DYNC1H1: variants seen among roughly 807,000 people sequenced by gnomAD.
DYNC1H1 encodes dynein cytoplasmic 1 heavy chain 1.
A neutral mutation model predicts 527.1 loss-of-function variants in DYNC1H1; 51 were observed. The observed-to-expected ratio is 0.10, with a 90% CI of 0.08 to 0.12. The LOEUF (loss-of-function observed/expected upper bound fraction) is 0.12, where lower values mean the gene tolerates loss of function less well. Ranked by LOEUF, DYNC1H1 falls within the 10% of genes least tolerant of loss-of-function variation. DYNC1H1 has a pLI of 1.00. For synonymous variants in DYNC1H1, 2,189 were observed against 2,278.8 expected, an observed-to-expected ratio of 0.96 and a Z score of 1.12; for missense variants, 2,771 against 5,971.8, an observed-to-expected ratio of 0.46 and a Z score of 17.66.
rs17540728 is a variant in DYNC1H1, at chr14:101,983,143, A to G, written c.1086A>G (p.Thr362=). 12 of 1,614,082 alleles carry G rather than the reference A, an allele frequency of 7.4e-6. No individual in the cohort carries two copies. The East Asian group carries it at 8.9e-5, about 12-fold the overall frequency. The change falls in exon 6 of 78, where the codon ACA becomes ACG. Residue 362 remains threonine (T), a synonymous_variant. Coordinates refer to ENST00000360184, the MANE Select transcript of DYNC1H1 (RefSeq NM_001376.5). This position sits in a 1 kb window ranked among gnomAD's most constrained non-coding sequence, Gnocchi z 5.3. The part of the protein sequence containing the change: ...KIRQALVAIF[T]HLRKIRNTKY... ...GACAGGCGCTTGTTGCCATTTTCAC[A>G]CATTTGAGAAAGATCCGAAACACAA...
intron 16 of DYNC1H1, 83 bp from the exon 17 acceptor site, chr14:101,999,906 G>A: frequency 6.3e-7 from 1 of 1,599,436 alleles, no homozygotes; most frequent in Non-Finnish European, 8.5e-7. Flanking sequence ...AGCCCTGCAG[G>A]CTCTGTGCAC....
Position 101,986,241 on chromosome 14 carries a change from C to G in DYNC1H1, c.2016C>G (p.Gly672=). The part of the protein sequence containing the change: ...MKRVEDVLGK[G]WENHVEGQKL... ...GGGTGGAAGATGTCCTTGGCAAGGGCTGGGAGAATCACGTGGAGGGGCAGA... is the reference window on the plus strand; with the variant it reads ...GGGTGGAAGATGTCCTTGGCAAGGGGTGGGAGAATCACGTGGAGGGGCAGA... Residue 672 remains glycine (G), a synonymous_variant, in exon 8 of 78, where the codon GGC becomes GGG. Coordinates refer to ENST00000360184, the MANE Select transcript of DYNC1H1 (RefSeq NM_001376.5). The surrounding 1 kb of genome is among the most constrained non-coding windows in gnomAD (Gnocchi z 8.7). 1 of 1,614,058 alleles carries G rather than the reference C, an allele frequency of 6.2e-7. No individual in the cohort carries two copies. Among genetic ancestry groups the G allele is most frequent in the South Asian group, 1.1e-5 (1 of 91,082 alleles).
rs200735835 is a variant in DYNC1H1, at chr14:102,039,448, C to T, written c.11497C>T (p.Leu3833=). The part of the protein sequence containing the change: ...FLYQYSLQFF[L]DIYHNVLYEN... ...GTACCAGTACTCCCTCCAGTTTTTC[C>T]TGGACATTTATCACAACGTCCTATA... Residue 3833 remains leucine, a synonymous_variant, in exon 61 of 78, where the codon CTG becomes TTG. Coordinates refer to ENST00000360184, the MANE Select transcript of DYNC1H1 (RefSeq NM_001376.5). The surrounding 1 kb of genome is among the most constrained non-coding windows in gnomAD (Gnocchi z 7.0). The T allele has an allele frequency of 2.4e-5, 38 of 1,614,256 alleles. No homozygotes were observed. The East Asian group carries it at 8.2e-4, about 35-fold the overall frequency.
chr14:102,033,363 A>G lies in DYNC1H1; in HGVS notation c.10292A>G (p.Asn3431Ser), dbSNP rs764127291. The stretch of plus-strand genomic sequence containing the variant: ...GCCAAGGACAACCAGCAGAAGGCCA[A>G]CGAGGTGGAGCAGATGATCCGAGAC... ...DDAKDNQQKA[N>S]EVEQMIRDLE... The change falls in exon 54 of 78, where the codon AAC becomes AGC. Residue 3431 changes from asparagine to serine, a missense_variant. By Grantham distance (46) the Asn-to-Ser change is conservative. This residue lies in a region of DYNC1H1 where 283 missense variants were observed against 737.6 expected (regional missense o/e 0.38). Transcript: ENST00000360184. The surrounding 1 kb of genome is among the most constrained non-coding windows in gnomAD (Gnocchi z 5.6). 13 of 1,614,114 alleles carry G rather than the reference A, an allele frequency of 8.1e-6. No individual in the cohort carries two copies. The Admixed American group carries it at 8.3e-5, about 10-fold the overall frequency.
chr14:102,005,396 C>T lies in DYNC1H1; in HGVS notation c.5433+160C>T, dbSNP rs1316072144. 6.6e-6 allele frequency among the ~76,000 whole-genome samples: 1 copy of T among 152,206 alleles called. No individual in the cohort carries two copies. The highest frequency in any genetic ancestry group is 1.5e-5 in the Non-Finnish European group (1 of 68,032). On this transcript the variant is annotated intron_variant, in intron 26 of 77. Coordinates refer to ENST00000360184, the MANE Select transcript of DYNC1H1 (RefSeq NM_001376.5). This position sits in a 1 kb window ranked among gnomAD's most constrained non-coding sequence, Gnocchi z 4.0. Reference sequence around the variant, plus strand: ...TGAGGGTGGGCATTTGGCTCCCTGTCCCTGTTGAAAGGTAATCTCAGGGGC... The same window carrying T: ...TGAGGGTGGGCATTTGGCTCCCTGTTCCTGTTGAAAGGTAATCTCAGGGGC...
At position 102,048,508 on chromosome 14, in the gene DYNC1H1, G is replaced by A. The variant is rs370812794; in HGVS notation, c.13219-8G>A. 5.0e-6 allele frequency: 8 copies of A among 1,614,034 alleles called. No individual in the cohort carries two copies. The highest frequency in any genetic ancestry group is 2.7e-5 in the African/African-American group (2 of 74,932). On this transcript the variant is annotated splice_polypyrimidine_tract_variant and splice_region_variant and intron_variant, in intron 73 of 77. Transcript: ENST00000360184. ...CTAACTTCTCTTCACCCTTTTGAAC[G>A]ATTTTAGGATCCTTTGTTCAGGTTC...
rs374043245 is a variant in DYNC1H1, at chr14:102,017,016, G to A, written c.7848+17G>A. On this transcript the variant is annotated intron_variant, in intron 38 of 77. Transcript: ENST00000360184. This position sits in a 1 kb window ranked among gnomAD's most constrained non-coding sequence, Gnocchi z 4.6. ...GACATGGAGGTAAAGAGGCCAGGAG[G>A]TGGGCAGCAGACCTTTTGGTGCTGA... 35 of 1,614,144 alleles carry A rather than the reference G, an allele frequency of 2.2e-5. No individual in the cohort carries two copies. Among genetic ancestry groups the A allele is most frequent in the African/African-American group, 6.7e-5 (5 of 74,964 alleles).
At chr14:102,048,705 G>C in intron 74 of DYNC1H1, 36 bp downstream of exon 74, 1 of 1,608,074 alleles carries the variant, frequency 6.2e-7, no homozygotes, top group Non-Finnish European at 8.5e-7. Context: ...GTGGCTTCCG[G>C]CGGGCACCTT....
Position 102,015,787 on chromosome 14 carries a change from C to G in DYNC1H1, c.7243-69C>G. On this transcript the variant is annotated intron_variant, in intron 35 of 77. Coordinates refer to ENST00000360184, the MANE Select transcript of DYNC1H1 (RefSeq NM_001376.5). This position sits in a 1 kb window ranked among gnomAD's most constrained non-coding sequence, Gnocchi z 6.9. Reference sequence around the variant, plus strand: ...AGGTCGTATGACCTTCTCCTGGGACCAGGTTAGAATCGATGAAACTCGCCT... The same window carrying G: ...AGGTCGTATGACCTTCTCCTGGGACGAGGTTAGAATCGATGAAACTCGCCT... 1 of 1,543,398 alleles carries G rather than the reference C, an allele frequency of 6.5e-7. No homozygotes were observed. Among genetic ancestry groups the G allele is most frequent in the Non-Finnish European group, 8.9e-7 (1 of 1,127,412 alleles).
intron 18 of DYNC1H1, chr14:102,000,727 A>C: frequency 1.9e-6 from 1 of 523,350 alleles, no homozygotes; most frequent in Non-Finnish European, 3.5e-6. Context: ...GGCATGTGCC[A>C]CCACGCCCGG....
intron 72 of DYNC1H1, 197 bp from the exon 73 acceptor site, chr14:102,047,620 C>CGTGTGTGTGTGTGTGTGTGTGTGT (rs71116873): frequency 3.3e-6 from 1 of 300,652 alleles, no homozygotes; most frequent in African/African-American, 3.9e-5. Context: ...TATATATACA[C>CGTGTGTGTGTGTGTGTGTGTGTGT]GTGTGTGTGT....
intron 29 of DYNC1H1, among the ~76,000 whole-genome samples, chr14:102,009,036 C>G (rs1280792005): frequency 6.6e-6 from 1 of 152,164 alleles, no homozygotes; most frequent in African/African-American, 2.4e-5. Flanking sequence ...GAGCCAGCCT[C>G]CCCAGCCACC....
chr14:101,980,488 C>G lies in DYNC1H1; in HGVS notation c.899C>G (p.Thr300Ser). The G allele has an allele frequency of 6.2e-7, 1 of 1,614,200 alleles. No homozygotes were observed. The highest frequency in any genetic ancestry group is 8.5e-7 in the Non-Finnish European group (1 of 1,180,038). The change falls in exon 5 of 78, where the codon ACT becomes AGT. Residue 300 changes from threonine (T) to serine (S), a missense_variant. Transcript: ENST00000360184. ...EKRESPEVLL[T>S]LDILKHGKRF... Reference sequence around the variant, plus strand: ...CGGGAGAGCCCGGAAGTTCTCCTGACTCTGGATATCTTGAAACATGGCAAG... The same window carrying G: ...CGGGAGAGCCCGGAAGTTCTCCTGAGTCTGGATATCTTGAAACATGGCAAG...
At chr14:101,988,960 A>T (rs1273175316) in intron 10 of DYNC1H1, 108 bp downstream of exon 10, 2 of 1,448,386 alleles carry the variant, frequency 1.4e-6, no homozygotes, top group Non-Finnish European at 1.9e-6. Context: ...GGCAGATGCC[A>T]CCTTAACCAG....
Position 102,033,534 on chromosome 14 carries a change from A to G in DYNC1H1, c.10413+50A>G. The G allele has an allele frequency of 8.7e-6, 14 of 1,606,258 alleles. No individual in the cohort carries two copies. Among genetic ancestry groups the G allele is most frequent in the Non-Finnish European group, 1.2e-5 (14 of 1,175,460 alleles). The stretch of plus-strand genomic sequence containing the variant: ...AGCCTTTCCTGCTGTGGAAGCAGAG[A>G]TTAACACACTTCAACATGCGCTGCA... On this transcript the variant is annotated intron_variant, in intron 54 of 77. Coordinates refer to ENST00000360184, the MANE Select transcript of DYNC1H1 (RefSeq NM_001376.5). The surrounding 1 kb of genome is among the most constrained non-coding windows in gnomAD (Gnocchi z 5.6).
In DYNC1H1 at chr14:102,005,974, C is replaced by A. The variant is rs577512264; in HGVS notation, c.5520C>A (p.Ser1840Arg). 7 of 1,614,106 alleles carry A rather than the reference C, an allele frequency of 4.3e-6. No homozygotes were observed. Among genetic ancestry groups the A allele is most frequent in the Non-Finnish European group, 5.9e-6 (7 of 1,180,046 alleles). ...IDNAKSFEWL[S>R]QMRFYFDPKQ... ...ACGCCAAATCTTTTGAATGGCTCAG[C>A]CAGATGCGATTTTACTTTGACCCTA... The change falls in exon 27 of 78, where the codon AGC (serine) becomes AGA (arginine). Residue 1840 changes from serine (S) to arginine (R), a missense_variant. Ser to Arg is a moderately radical substitution (Grantham distance 110). Transcript: ENST00000360184. This position sits in a 1 kb window ranked among gnomAD's most constrained non-coding sequence, Gnocchi z 4.0.
In DYNC1H1 at chr14:102,049,474, G is replaced by A. The variant is rs1445271324; in HGVS notation, c.13407G>A (p.Val4469=). ...CTCGGAGCTGGTCCCACTACACGGT[G>A]CCTGCCGGCATGACCGTCATCCAGT... ...ILPRSWSHYT[V]PAGMTVIQWV... Residue 4469 remains valine, a synonymous_variant, in exon 75 of 78, where the codon GTG becomes GTA. Coordinates refer to ENST00000360184, the MANE Select transcript of DYNC1H1 (RefSeq NM_001376.5). The surrounding 1 kb of genome is among the most constrained non-coding windows in gnomAD (Gnocchi z 5.5). The A allele has an allele frequency of 6.8e-6, 11 of 1,614,084 alleles. 1 individual carries two copies. Among genetic ancestry groups the A allele is most frequent in the Non-Finnish European group, 9.3e-6 (11 of 1,180,048 alleles).
At chr14:102,006,917 A>G in intron 27 of DYNC1H1, 91 bp from the exon 28 acceptor site, 1 of 1,442,912 alleles carries the variant, frequency 6.9e-7, no homozygotes, top group Non-Finnish European at 9.6e-7. Context: ...GGATTTTTTA[A>G]ATGAGTTGCT....
intron 5 of DYNC1H1, among the ~76,000 whole-genome samples, chr14:101,980,851 G>A (rs192827259): frequency 2.0e-5 from 3 of 152,244 alleles, no homozygotes; most frequent in Non-Finnish European, 2.9e-5. Flanking sequence ...TCCACGAGTC[G>A]GCTGTACAAT....
Sources: gnomAD v4.1 joint callset for allele counts (sites outside exome capture counted in the v4.1 genomes callset) on GRCh38, gnomAD v4.1.1 for gene constraint, gnomAD v4.1.1 regional missense constraint, Gnocchi (gnomAD v3.1) non-coding constraint, MANE v1.5 for transcripts, NCBI Gene and HGNC (gene_info 2026-07-23, HGNC 2026-07-21) for gene names.